Variants in CNGA1 observed in about 807,000 individuals in gnomAD.
CNGA1 encodes the protein cyclic nucleotide gated channel subunit alpha 1.
Under a neutral mutation model 69.7 loss-of-function variants are expected in CNGA1, and 53 were observed. That is an observed-to-expected ratio of 0.76 (90% CI 0.61 to 0.96). The LOEUF is 0.96. Among genes scored for constraint, CNGA1 ranks in the 40% least tolerant of loss-of-function variants. The pLI is 0.00. For missense variants in CNGA1, 739 were observed against 811.2 expected, an observed-to-expected ratio of 0.91 and a Z score of 1.08; for synonymous variants, 249 against 283.5, an observed-to-expected ratio of 0.88 and a Z score of 1.22.
chr4:48,012,258 C>A (rs1410978045), intron 1 of CNGA1, among the ~76,000 whole-genome samples: 1 of 152,122 alleles, frequency 6.6e-6, no homozygotes, highest in African/African-American at 2.4e-5. Context: ...ATAAAAAAAT[C>A]AGTTTAGTCC....
intron 6 of CNGA1, among the ~76,000 whole-genome samples, chr4:47,948,697 G>C (rs1739569647): frequency 6.6e-6 from 1 of 152,208 alleles, no homozygotes; most frequent in Non-Finnish European, 1.5e-5. Context: ...ATACAATGCA[G>C]GGAGGGGAGA....
chr4:47,945,331 C>T (rs1043661629), intron 6 of CNGA1, among the ~76,000 whole-genome samples: 1 of 152,174 alleles, frequency 6.6e-6, no homozygotes, highest in African/African-American at 2.4e-5. Context: ...GAAGCCAAGA[C>T]CCATGAAGAA....
chr4:47,976,302 CATAT>C (rs1176884849), intron 3 of CNGA1, among the ~76,000 whole-genome samples: 802 of 30,624 alleles, frequency 0.026, 71 homozygotes, highest in Non-Finnish European at 0.042. Context: ...TATACACATA[CATAT>C]ATATATACAT....
intron 3 of CNGA1, among the ~76,000 whole-genome samples, chr4:47,969,741 A>C (rs750814727): frequency 6.6e-6 from 1 of 152,182 alleles, no homozygotes; most frequent in Non-Finnish European, 1.5e-5. Flanking sequence ...AAGTGTTGAG[A>C]TTACAGGAAT....
chr4:47,966,689 T>C (rs2110188760), intron 3 of CNGA1, among the ~76,000 whole-genome samples: 1 of 152,264 alleles, frequency 6.6e-6, no homozygotes, highest in South Asian at 2.1e-4. Flanking sequence ...TGTTAACTGC[T>C]TGATATTTCA....
intron 3 of CNGA1, among the ~76,000 whole-genome samples, chr4:47,954,294 T>G (rs1330065771): frequency 6.6e-6 from 1 of 152,172 alleles, no homozygotes; most frequent in Non-Finnish European, 1.5e-5. Flanking sequence ...CAGCATTCAT[T>G]ACCTTTCAAA....
chr4:47,946,596 G>A (rs933099367), intron 6 of CNGA1, among the ~76,000 whole-genome samples: 5 of 152,174 alleles, frequency 3.3e-5, no homozygotes, highest in Admixed American at 2.0e-4. Context: ...CCCTGAAATA[G>A]GATTACCTAA....
At chr4:47,997,567 T>C (rs1714437756) in intron 2 of CNGA1, among the ~76,000 whole-genome samples, 2 of 152,160 alleles carry the variant, frequency 1.3e-5, no homozygotes, top group Admixed American at 6.5e-5. Flanking sequence ...AATAGAGATA[T>C]ACATAAATGT....
At position 47,988,803 on chromosome 4, in the gene CNGA1, C is replaced by T. The variant is rs147798683; in HGVS notation, c.-122-7303G>A. Among the ~76,000 whole-genome samples the T allele has an allele frequency of 4.1e-4, 63 of 151,988 alleles. No individual in the cohort carries two copies. The East Asian group carries it at 0.011, about 27-fold the overall frequency. ...TTTATTTAGTACCTATTAACTCTTC[C>T]TCATTAAAAGACCTCAATTTGAGTC... On this transcript the variant is annotated intron_variant, in intron 2 of 10. Coordinates refer to ENST00000514170, the MANE Select transcript of CNGA1 (RefSeq NM_001379270.1).
chr4:47,985,615 T>C (rs1240859373), intron 2 of CNGA1, among the ~76,000 whole-genome samples: 3 of 152,216 alleles, frequency 2.0e-5, no homozygotes, highest in African/African-American at 7.2e-5. Flanking sequence ...CTTGTCATTA[T>C]AAAACAGCTC....
chr4:47,945,388 G>C (rs562313281), intron 6 of CNGA1, among the ~76,000 whole-genome samples: 1 of 152,124 alleles, frequency 6.6e-6, no homozygotes, highest in African/African-American at 2.4e-5. Flanking sequence ...CGATTTCCCT[G>C]GTCTTTCTCC....
intron 3 of CNGA1, among the ~76,000 whole-genome samples, chr4:47,967,470 A>T (rs1377755231): frequency 2.0e-5 from 3 of 152,246 alleles, no homozygotes; most frequent in African/African-American, 7.2e-5. Context: ...AGGAAAAAGA[A>T]TACAAAGCAT....
intron 1 of CNGA1, among the ~76,000 whole-genome samples, chr4:48,013,445 A>G (rs902293392): frequency 6.6e-6 from 1 of 152,250 alleles, no homozygotes; most frequent in Non-Finnish European, 1.5e-5. Flanking sequence ...AACATATGCA[A>G]GATGAACATT....
At chr4:47,986,497 T>C (rs1741983656) in intron 2 of CNGA1, among the ~76,000 whole-genome samples, 1 of 152,204 alleles carries the variant, frequency 6.6e-6, no homozygotes, top group Admixed American at 6.6e-5. Flanking sequence ...GTAATTTCAA[T>C]TTATTTTCAA....
chr4:48,015,858 A>G (rs1191546672), intron 1 of CNGA1, among the ~76,000 whole-genome samples: 1 of 152,144 alleles, frequency 6.6e-6, no homozygotes, highest in African/African-American at 2.4e-5. Flanking sequence ...TCAACCTCCC[A>G]AAGTGCTGTG....
Position 47,936,992 on chromosome 4 carries a change from CT to C in CNGA1, c.1489del (p.Ser497ValfsTer38). On this transcript the variant is annotated frameshift_variant, in exon 11 of 11. Coordinates refer to ENST00000514170, the MANE Select transcript of CNGA1 (RefSeq NM_001379270.1). LOFTEE classifies it high-confidence loss of function. Reference sequence around the variant, plus strand: ...TTTCTTGCAAATATAATCTCCAGGACTGTAGACTTGGGGTTGCAATTTCAAG... The same window carrying C: ...TTTCTTGCAAATATAATCTCCAGGACGTAGACTTGGGGTTGCAATTTCAAG... ...LVLKLQPQVY[S>X]PGDYICKKGD... 1 of 1,614,164 alleles carries C rather than the reference CT, an allele frequency of 6.2e-7. No homozygotes were observed. The highest frequency in any genetic ancestry group is 2.2e-5 in the East Asian group (1 of 44,876).
intron 2 of CNGA1, among the ~76,000 whole-genome samples, chr4:47,999,556 G>C (rs1714567102): frequency 6.6e-6 from 1 of 152,166 alleles, no homozygotes; most frequent in South Asian, 2.1e-4. Context: ...GTCAATAGCT[G>C]CATACCCAGA....
chr4:47,993,129 G>C (rs1742345119), intron 2 of CNGA1, among the ~76,000 whole-genome samples: 1 of 152,022 alleles, frequency 6.6e-6, no homozygotes, highest in African/African-American at 2.4e-5. Context: ...CGTTCATCAG[G>C]GATATTGGTC....
chr4:47,984,639 AT>A (rs1209122532), intron 2 of CNGA1, among the ~76,000 whole-genome samples: 23 of 83,726 alleles, frequency 2.7e-4, no homozygotes, highest in Non-Finnish European at 4.7e-4. Context: ...AAACAAACAA[AT>A]AAAAAAAATA....
Sources: gnomAD v4.1 joint callset for allele counts (sites outside exome capture counted in the v4.1 genomes callset) on GRCh38, gnomAD v4.1.1 for gene constraint, MANE v1.5 for transcripts, NCBI Gene and HGNC (gene_info 2026-07-23, HGNC 2026-07-21) for gene names.